The following GALNT3 variants were observed in gnomAD, a reference collection of about 807,000 sequenced individuals.
GALNT3 encodes GalNAc transferase 3.
GALNT3 carries 51 observed loss-of-function variants against 69.8 expected under a neutral mutation model. That is an observed-to-expected ratio of 0.73 (90% CI 0.58 to 0.92). GALNT3 has a LOEUF of 0.92. Ranked by LOEUF, GALNT3 falls within the 40% of genes least tolerant of loss-of-function variation. GALNT3 has a pLI of 0.00. For synonymous variants in GALNT3, 265 were observed against 248.5 expected (o/e 1.07, Z -0.63); for missense variants, 711 against 760.0 (o/e 0.94, Z 0.76).
Position 165,748,877 on chromosome 2 carries a change from T to A in GALNT3, c.1806A>T (p.Leu602Phe), listed in dbSNP as rs1688305889. The A allele has an allele frequency of 3.1e-6, 5 of 1,610,724 alleles. No individual in the cohort carries two copies. Among genetic ancestry groups the A allele is most frequent in the Non-Finnish European group, 4.2e-6 (5 of 1,177,722 alleles). The change falls in exon 11 of 11, where the codon TTA (leucine) becomes TTT (phenylalanine). Residue 602 changes from leucine (L) to phenylalanine (F), a missense_variant. By Grantham distance (22) the Leu-to-Phe change is conservative (BLOSUM62 0). Transcript: ENST00000392701. ...CTCCATTTGCTGAAAGGCACATTTT[T>A]AAGAATGGATTGTATAGAAGTTGAT... is the stretch of plus-strand genomic sequence containing the variant. The part of the protein sequence containing the change: ...QKDQLLYNPF[L>F]KMCLSANGEH...
chr2:165,771,049 T>C (rs1688744409), intron 1 of GALNT3, among the ~76,000 whole-genome samples: 1 of 152,182 alleles, frequency 6.6e-6, no homozygotes, highest in Admixed American at 6.5e-5. Flanking sequence ...AAATACATTC[T>C]TTTTAAACTC....
At chr2:165,789,031 C>A (rs746842791) in intron 1 of GALNT3, among the ~76,000 whole-genome samples, 4 of 152,122 alleles carry the variant, frequency 2.6e-5, no homozygotes, top group Non-Finnish European at 5.9e-5. Flanking sequence ...ATGTTAAGAC[C>A]TTAAACTAGA....
chr2:165,765,113 A>G, intron 2 of GALNT3, 57 bp from the exon 3 acceptor site: 4 of 1,386,504 alleles, frequency 2.9e-6, no homozygotes, highest in Non-Finnish European at 4.1e-6. Flanking sequence ...TTTATTTCAC[A>G]GCTATACCAT....
chr2:165,787,820 T>C (rs1218505267), intron 1 of GALNT3, among the ~76,000 whole-genome samples: 4 of 152,212 alleles, frequency 2.6e-5, no homozygotes, highest in Non-Finnish European at 4.4e-5. Context: ...GTGGAATATG[T>C]ATAAGCAAAA....
At position 165,770,785 on chromosome 2, in the gene GALNT3, A is replaced by G; in HGVS notation, c.-85T>C. On this transcript the variant is annotated 5_prime_UTR_variant, in exon 2 of 11. Transcript: ENST00000392701. ...ATTTTTTATCATAGATTTGCTGAGA[A>G]GAAGGTATCTTTAATGGTAGTACCT... 1 of 1,476,686 alleles carries G rather than the reference A, an allele frequency of 6.8e-7. No individual in the cohort carries two copies. Among genetic ancestry groups the G allele is most frequent in the South Asian group, 1.2e-5 (1 of 83,788 alleles). 91.5% of individuals were successfully genotyped at this position (1,476,686 alleles called of 1,614,324 possible). A position where few individuals can be genotyped will look rare whatever the true frequency, so the allele number is the denominator to read the frequency against.
chr2:165,782,706 G>T (rs1270334294), intron 1 of GALNT3, among the ~76,000 whole-genome samples: 2 of 152,020 alleles, frequency 1.3e-5, no homozygotes, highest in East Asian at 3.9e-4. Flanking sequence ...AGTATTTTTG[G>T]GTCCCCCTAG....
chr2:165,760,454 C>T (rs1362428563), intron 4 of GALNT3, among the ~76,000 whole-genome samples: 1 of 152,132 alleles, frequency 6.6e-6, no homozygotes, highest in African/African-American at 2.4e-5. Flanking sequence ...TCTGGGCTCC[C>T]CACAAAGCAG....
At chr2:165,749,224 C>T (rs1395542912) in intron 10 of GALNT3, among the ~76,000 whole-genome samples, 2 of 152,082 alleles carry the variant, frequency 1.3e-5, no homozygotes, top group Non-Finnish European at 2.9e-5. Context: ...CCAGTGTTAA[C>T]GTTTTCTAGT....
intron 1 of GALNT3, among the ~76,000 whole-genome samples, chr2:165,776,452 C>T (rs186658802): frequency 9.7e-4 from 147 of 152,018 alleles, no homozygotes; most frequent in African/African-American, 3.3e-3. Context: ...TTAAACACAC[C>T]TATCCAAGAT....
rs76106962 is a variant in GALNT3 at position 165,749,504 on chromosome 2, A to C, written c.1779+238T>G. On this transcript the variant is annotated intron_variant, in intron 10 of 10. Coordinates refer to ENST00000392701, the MANE Select transcript of GALNT3 (RefSeq NM_004482.4). ...GCGACTAATATTAATAATTCACAGA[A>C]GTGCTCATCTGCATATATCACGGTT... Among the ~76,000 whole-genome samples the C allele has an allele frequency of 5.9e-3, 893 of 152,310 alleles. 7 individuals carry two copies. Among genetic ancestry groups the C allele is most frequent in the African/African-American group, 0.02 (821 of 41,578 alleles).
At chr2:165,780,054 G>A (rs1574014404) in intron 1 of GALNT3, among the ~76,000 whole-genome samples, 2 of 152,166 alleles carry the variant, frequency 1.3e-5, no homozygotes, top group African/African-American at 4.8e-5. Context: ...CTCAATGCTG[G>A]ATTCTGCAGA....
intron 1 of GALNT3, among the ~76,000 whole-genome samples, chr2:165,790,137 A>G (rs189329212): frequency 9.7e-4 from 148 of 152,344 alleles, no homozygotes; most frequent in African/African-American, 3.3e-3. Context: ...GCAATCATAT[A>G]GAAAAGAAAA....
chr2:165,761,779 G>T (rs1166281434), intron 4 of GALNT3, 126 bp downstream of exon 4: 4 of 1,022,362 alleles, frequency 3.9e-6, no homozygotes, highest in Non-Finnish European at 4.7e-6. Context: ...TGCTATAATC[G>T]CCAGTTGAAA....
At chr2:165,778,234 A>G (rs1448040656) in intron 1 of GALNT3, among the ~76,000 whole-genome samples, 1 of 152,162 alleles carries the variant, frequency 6.6e-6, no homozygotes, top group Non-Finnish European at 1.5e-5. Context: ...ATATGCATTG[A>G]TTACTTATGG....
chr2:165,780,681 T>G (rs529189559), intron 1 of GALNT3, among the ~76,000 whole-genome samples: 1 of 152,074 alleles, frequency 6.6e-6, no homozygotes, highest in Non-Finnish European at 1.5e-5. Context: ...TTGTTGTTTT[T>G]TCTTCTAACA....
Position 165,748,239 on chromosome 2 carries a change from A to C in GALNT3, c.*542T>G, listed in dbSNP as rs1490943190. 1 of 204,622 alleles carries C rather than the reference A, an allele frequency of 4.9e-6. No individual in the cohort carries two copies. The highest frequency in any genetic ancestry group is 2.3e-5 in the African/African-American group (1 of 43,782). 12.7% of individuals were successfully genotyped at this position (204,622 alleles called of 1,614,324 possible). On this transcript the variant is annotated 3_prime_UTR_variant, in exon 11 of 11. Transcript: ENST00000392701. Reference sequence around the variant, plus strand: ...TCCTTATTCAGTTTCATGTTTAAGGAAACATTTGACAGACAAGTAAACCAA... The same window carrying C: ...TCCTTATTCAGTTTCATGTTTAAGGCAACATTTGACAGACAAGTAAACCAA...
At chr2:165,765,262 T>C (rs1259988082) in intron 2 of GALNT3, among the ~76,000 whole-genome samples, 3 of 152,162 alleles carry the variant, frequency 2.0e-5, no homozygotes, top group Admixed American at 6.5e-5. Flanking sequence ...AGAGATGATG[T>C]CTACCAACAG....
chr2:165,762,353 T>C (rs935985191), intron 3 of GALNT3, among the ~76,000 whole-genome samples: 1 of 152,208 alleles, frequency 6.6e-6, no homozygotes, highest in Non-Finnish European at 1.5e-5. Flanking sequence ...GAGTCAACCC[T>C]AGCCGTTCAA....
rs756116505 is a variant in GALNT3 at position 165,749,907 on chromosome 2, T to C, written c.1627-13A>G. 4.3e-6 allele frequency: 7 copies of C among 1,613,098 alleles called. No individual in the cohort carries two copies. The highest frequency in any genetic ancestry group is 2.2e-5 in the South Asian group (2 of 91,070). On this transcript the variant is annotated splice_polypyrimidine_tract_variant and intron_variant, in intron 9 of 10. Coordinates refer to ENST00000392701, the MANE Select transcript of GALNT3 (RefSeq NM_004482.4). ...AGTATTCAAAGTACTATGGAAGGAATAGCACTGTTACTGACAAAAGCAACC... is the reference window on the plus strand; with the variant it reads ...AGTATTCAAAGTACTATGGAAGGAACAGCACTGTTACTGACAAAAGCAACC...
Sources: allele counts gnomAD v4.1 joint callset (sites outside exome capture counted in the v4.1 genomes callset), GRCh38; gene constraint gnomAD v4.1.1; transcripts MANE v1.5; gene names NCBI Gene and HGNC (gene_info 2026-07-23, HGNC 2026-07-21).